Variants in FAM178B observed in about 807,000 individuals in gnomAD.
FAM178B encodes the protein family with sequence similarity 178 member B, also known as protein FAM178B.
A neutral mutation model predicts 91.7 loss-of-function variants in FAM178B; 82 were observed. The observed-to-expected ratio is 0.89, with a 90% CI of 0.75 to 1.07. FAM178B has a LOEUF of 1.07. Ranked by LOEUF, FAM178B falls within the 50% of genes least tolerant of loss-of-function variation. The pLI, the probability that FAM178B is intolerant of heterozygous loss-of-function variation, is 0.00. For missense variants in FAM178B, 769 were observed against 846.7 expected, an observed-to-expected ratio of 0.91 and a Z score of 1.14; for synonymous variants, 368 against 359.4, an observed-to-expected ratio of 1.02 and a Z score of -0.27.
intron 12 of FAM178B, among the ~76,000 whole-genome samples, chr2:96,920,627 G>A (rs2081320489): frequency 6.6e-6 from 1 of 152,022 alleles, no homozygotes. Flanking sequence ...AATTTACAGA[G>A]CGCCGAACAG....
rs779798153 is a variant in FAM178B, at chr2:96,899,063, C to G, written c.1650+3557G>C. Among the ~76,000 whole-genome samples, 4 of 152,316 alleles carry G rather than the reference C, an allele frequency of 2.6e-5. No individual in the cohort carries two copies. The South Asian group carries it at 6.2e-4, about 24-fold the overall frequency. On this transcript the variant is annotated intron_variant, in intron 13 of 16. Transcript: ENST00000490605. ...CAGGCCAGACTGGAAAGGGGAGTGC[C>G]TGGCAGCCTGAAGACCTGGGAGGAG...
intron 13 of FAM178B, among the ~76,000 whole-genome samples, chr2:96,896,592 C>G (rs1310535789): frequency 2.0e-5 from 3 of 152,212 alleles, no homozygotes; most frequent in Non-Finnish European, 4.4e-5. Context: ...CCAGCCTTCT[C>G]AGAGGCAGGG....
intron 12 of FAM178B, among the ~76,000 whole-genome samples, chr2:96,915,994 G>C (rs1346570711): frequency 2.0e-5 from 3 of 152,048 alleles, no homozygotes; most frequent in Non-Finnish European, 4.4e-5. Context: ...CCATTTTCCT[G>C]TGACATCATT....
intron 14 of FAM178B, among the ~76,000 whole-genome samples, chr2:96,891,777 G>C (rs2080687929): frequency 6.6e-6 from 1 of 152,170 alleles, no homozygotes; most frequent in African/African-American, 2.4e-5. Flanking sequence ...CTGGAGGAGG[G>C]CTGTGACCCA....
At chr2:96,904,026 C>G (rs2080984149) in intron 12 of FAM178B, among the ~76,000 whole-genome samples, 1 of 152,144 alleles carries the variant, frequency 6.6e-6, no homozygotes, top group Non-Finnish European at 1.5e-5. Context: ...GGTGGGGGCG[C>G]AGGGTTATGG....
intron 5 of FAM178B, among the ~76,000 whole-genome samples, chr2:96,963,332 C>T (rs924103604): frequency 6.6e-6 from 1 of 152,220 alleles, no homozygotes; most frequent in African/African-American, 2.4e-5. Flanking sequence ...CACCTCAGCT[C>T]AGAGAGAAAG....
intron 5 of FAM178B, among the ~76,000 whole-genome samples, chr2:96,966,289 T>C (rs1389440249): frequency 1.3e-5 from 2 of 151,674 alleles, no homozygotes; most frequent in African/African-American, 4.8e-5. Context: ...CCCACACCCT[T>C]CCCAGAGCCC....
chr2:96,915,806 A>G (rs570044743), intron 12 of FAM178B, among the ~76,000 whole-genome samples: 229 of 137,288 alleles, frequency 1.7e-3, no homozygotes, highest in African/African-American at 4.5e-3. Flanking sequence ...ACAGAGTGGG[A>G]AAAAAAAAAA....
chr2:96,880,007 C>A (rs1395764288), intron 14 of FAM178B, among the ~76,000 whole-genome samples: 1 of 152,234 alleles, frequency 6.6e-6, no homozygotes, highest in African/African-American at 2.4e-5. Flanking sequence ...GGCCTGCGTG[C>A]CGGACACTAT....
intron 13 of FAM178B, among the ~76,000 whole-genome samples, chr2:96,899,519 C>T (rs1297269904): frequency 3.3e-5 from 5 of 151,892 alleles, no homozygotes; most frequent in African/African-American, 1.2e-4. Context: ...GGAGACCTGC[C>T]TGGCCAGGAT....
Position 96,943,376 on chromosome 2 carries a change from C to T in FAM178B, c.1078+4442G>A, listed in dbSNP as rs1028938165. Among the ~76,000 whole-genome samples the T allele has an allele frequency of 2.0e-5, 3 of 152,288 alleles. No individual in the cohort carries two copies. In the South Asian group the frequency reaches 6.2e-4, roughly 32 times the overall value. On this transcript the variant is annotated intron_variant, in intron 8 of 16. Transcript: ENST00000490605. ...CATTTCAGAATAGGCATGAAATTTTCGTATCCATTTTCTTATCAGCGCTTT... is the reference window on the plus strand; with the variant it reads ...CATTTCAGAATAGGCATGAAATTTTTGTATCCATTTTCTTATCAGCGCTTT...
At chr2:96,900,786 G>A (rs959131857) in intron 13 of FAM178B, among the ~76,000 whole-genome samples, 1 of 152,168 alleles carries the variant, frequency 6.6e-6, no homozygotes, top group Admixed American at 6.5e-5. Context: ...CAACCCCACC[G>A]GTCACCTCTC....
intron 1 of FAM178B, among the ~76,000 whole-genome samples, chr2:96,974,381 C>CAAAAAAAAA (rs1171601429): frequency 6.2e-5 from 1 of 16,248 alleles, no homozygotes; most frequent in Non-Finnish European, 1.2e-4. Flanking sequence ...GACTCCATCT[C>CAAAAAAAAA]AAAAAAAAAA....
chr2:96,973,910 G>A (rs2082256293), intron 1 of FAM178B, among the ~76,000 whole-genome samples: 1 of 151,940 alleles, frequency 6.6e-6, no homozygotes, highest in Non-Finnish European at 1.5e-5. Flanking sequence ...GGCTGGGGCA[G>A]GAGAATCACT....
chr2:96,901,099 C>T (rs1420578688), intron 13 of FAM178B, among the ~76,000 whole-genome samples: 6 of 152,140 alleles, frequency 3.9e-5, no homozygotes, highest in Admixed American at 1.3e-4. Context: ...AAGTGACGTC[C>T]TCTGAGCTGC....
At chr2:96,882,565 G>A (rs1369552284) in intron 14 of FAM178B, among the ~76,000 whole-genome samples, 1 of 152,224 alleles carries the variant, frequency 6.6e-6, no homozygotes, top group African/African-American at 2.4e-5. Context: ...CACTACAGAG[G>A]CACGGTTCAT....
rs190516844 is a variant in FAM178B, at chr2:96,876,091, G to A, written c.*185C>T. On this transcript the variant is annotated 3_prime_UTR_variant, in exon 17 of 17. Transcript: ENST00000490605. ...TGCTGAGAGGAGAGGGGGTCGGGGCGGTGGCAGAGGCAGGCTCTTGCAGAG... is the reference window on the plus strand; with the variant it reads ...TGCTGAGAGGAGAGGGGGTCGGGGCAGTGGCAGAGGCAGGCTCTTGCAGAG... The A allele has an allele frequency of 1.1e-5, 7 of 615,382 alleles. No individual in the cohort carries two copies. The highest frequency in any genetic ancestry group is 5.9e-5 in the South Asian group (3 of 50,824). 38.1% of individuals were successfully genotyped at this position (615,382 alleles called of 1,614,324 possible).
chr2:96,972,577 C>G lies in FAM178B; in HGVS notation c.103G>C (p.Gly35Arg). The stretch of plus-strand genomic sequence containing the variant: ...AGGGCTAGCACCGTCTCCTGGGGCC[C>G]AGCCATCTGCAAGCCGTGGGACATC... ...GQMSHGLQMA[G>R]PQETVLALPL... is the part of the protein sequence containing the mutation. The change falls in exon 2 of 17, where the codon GGG (glycine) becomes CGG (arginine). Residue 35 changes from glycine (G) to arginine (R), a missense_variant. Coordinates refer to ENST00000490605, the MANE Select transcript of FAM178B (RefSeq NM_001122646.3). 1 of 1,551,658 alleles carries G rather than the reference C, an allele frequency of 6.4e-7. No individual in the cohort carries two copies. The highest frequency in any genetic ancestry group is 8.7e-7 in the Non-Finnish European group (1 of 1,146,994).
intron 8 of FAM178B, among the ~76,000 whole-genome samples, chr2:96,939,729 A>G (rs1465993905): frequency 6.6e-6 from 1 of 152,120 alleles, no homozygotes; most frequent in Non-Finnish European, 1.5e-5. Flanking sequence ...GATGGCACGC[A>G]TTGCACACAC....
Sources: gnomAD v4.1 joint callset for allele counts (sites outside exome capture counted in the v4.1 genomes callset) on GRCh38, gnomAD v4.1.1 for gene constraint, MANE v1.5 for transcripts, NCBI Gene and HGNC (gene_info 2026-07-23, HGNC 2026-07-21) for gene names.